The following CSMD3 variants were observed in gnomAD, a reference collection of about 807,000 sequenced individuals.
CSMD3 encodes the protein CUB and Sushi multiple domains 3.
CSMD3 carries 177 observed loss-of-function variants against 435.2 expected under a neutral mutation model. The observed-to-expected ratio is 0.41, with a 90% confidence interval of 0.36 to 0.46. CSMD3 has a LOEUF of 0.46. Ranked by LOEUF, CSMD3 falls within the 20% of genes least tolerant of loss-of-function variation. The pLI is 0.34. For missense variants in CSMD3, 4,265 were observed against 4,504.6 expected (o/e 0.95, Z 1.52); for synonymous variants, 1,656 against 1,520.5 (o/e 1.09, Z -2.07).
intron 13 of CSMD3, among the ~76,000 whole-genome samples, chr8:112,761,254 G>A (rs1452871205): frequency 2.0e-5 from 3 of 151,942 alleles, no homozygotes; most frequent in African/African-American, 7.2e-5. Flanking sequence ...TTTAAAAAAA[G>A]GGAAACCACC....
intron 3 of CSMD3, among the ~76,000 whole-genome samples, chr8:113,189,269 T>C (rs1012075768): frequency 1.3e-5 from 2 of 151,964 alleles, no homozygotes; most frequent in South Asian, 4.1e-4. Flanking sequence ...AAAAACCTAA[T>C]TGAAACCAAT....
intron 1 of CSMD3, among the ~76,000 whole-genome samples, chr8:113,328,345 G>C (rs1329026558): frequency 2.0e-5 from 3 of 149,460 alleles, no homozygotes; most frequent in Non-Finnish European, 4.5e-5. Flanking sequence ...GGCTGAGGCA[G>C]GAGAATGGCG....
At chr8:113,413,376 G>A (rs2094567960) in intron 1 of CSMD3, among the ~76,000 whole-genome samples, 1 of 151,904 alleles carries the variant, frequency 6.6e-6, no homozygotes, top group Non-Finnish European at 1.5e-5. Flanking sequence ...CTGCTATGAT[G>A]GAAAATCTTT....
At chr8:113,268,052 T>C (rs2132397986) in intron 3 of CSMD3, among the ~76,000 whole-genome samples, 1 of 151,896 alleles carries the variant, frequency 6.6e-6, no homozygotes, top group African/African-American at 2.4e-5. Context: ...AAATGATTCC[T>C]AAGATGGTAA....
At chr8:113,166,787 C>T (rs906958540) in intron 4 of CSMD3, among the ~76,000 whole-genome samples, 3 of 152,046 alleles carry the variant, frequency 2.0e-5, no homozygotes, top group African/African-American at 7.2e-5. Flanking sequence ...CTTAGTTTTT[C>T]AGTACTTCAT....
intron 3 of CSMD3, among the ~76,000 whole-genome samples, chr8:113,225,952 T>A (rs2132158611): frequency 6.6e-6 from 1 of 151,502 alleles, no homozygotes; most frequent in East Asian, 2.0e-4. Flanking sequence ...TGATAGTGAG[T>A]GACTTCTCAC....
intron 32 of CSMD3, among the ~76,000 whole-genome samples, chr8:112,449,441 A>G (rs1707914576): frequency 6.6e-6 from 1 of 151,966 alleles, no homozygotes; most frequent in Non-Finnish European, 1.5e-5. Flanking sequence ...CAGGGTAAGG[A>G]GCATTGACAG....
At chr8:112,318,186 C>T (rs1397218953) in intron 47 of CSMD3, among the ~76,000 whole-genome samples, 1 of 151,948 alleles carries the variant, frequency 6.6e-6, no homozygotes, top group Non-Finnish European at 1.5e-5. Flanking sequence ...TCTGTTCTAC[C>T]AGAATAAGAC....
chr8:112,247,217 C>T (rs1814822089), intron 63 of CSMD3, 86 bp from the exon 64 acceptor site: 2 of 803,126 alleles, frequency 2.5e-6, no homozygotes, highest in African/African-American at 1.7e-5. Flanking sequence ...AAAATGTTAT[C>T]AAGTGAAATT....
chr8:112,520,969 A>T (rs775979638), intron 27 of CSMD3, among the ~76,000 whole-genome samples: 3 of 151,984 alleles, frequency 2.0e-5, no homozygotes, highest in Non-Finnish European at 2.9e-5. Context: ...TTTAAAATGG[A>T]GAAGTTGGCC....
At chr8:112,532,832 T>C (rs186819556) in intron 27 of CSMD3, among the ~76,000 whole-genome samples, 3 of 152,156 alleles carry the variant, frequency 2.0e-5, no homozygotes, top group Non-Finnish European at 4.4e-5. Flanking sequence ...TGTGTAACAC[T>C]TGTGTCTTTA....
At chr8:112,684,375 T>C (rs1242295707) in intron 15 of CSMD3, among the ~76,000 whole-genome samples, 1 of 152,032 alleles carries the variant, frequency 6.6e-6, no homozygotes, top group East Asian at 1.9e-4. Flanking sequence ...CAACTACACT[T>C]TGTCTGCCAA....
At chr8:112,590,172 T>G (rs1258397569) in intron 22 of CSMD3, among the ~76,000 whole-genome samples, 1 of 152,248 alleles carries the variant, frequency 6.6e-6, no homozygotes, top group East Asian at 1.9e-4. Flanking sequence ...ATATTTATTA[T>G]GTACTGGGTG....
chr8:113,069,233 T>C (rs955276954), intron 5 of CSMD3, among the ~76,000 whole-genome samples: 1 of 152,074 alleles, frequency 6.6e-6, no homozygotes, highest in African/African-American at 2.4e-5. Context: ...GATTAGACTA[T>C]AAATATATGC....
chr8:112,587,688 A>G (rs975484858), intron 22 of CSMD3, among the ~76,000 whole-genome samples: 5 of 151,806 alleles, frequency 3.3e-5, no homozygotes, highest in Non-Finnish European at 7.4e-5. Context: ...CCTAATACTC[A>G]GTATTCCGCT....
chr8:113,243,578 T>C (rs2093243108), intron 3 of CSMD3, among the ~76,000 whole-genome samples: 1 of 152,112 alleles, frequency 6.6e-6, no homozygotes, highest in Admixed American at 6.6e-5. Context: ...AGCCATCATG[T>C]ACAAGTTTTT....
chr8:112,691,580 A>C (rs1406561357), intron 13 of CSMD3, among the ~76,000 whole-genome samples: 4 of 152,082 alleles, frequency 2.6e-5, no homozygotes, highest in Non-Finnish European at 5.9e-5. Flanking sequence ...TAGAGAAGTG[A>C]CATTTTTCAA....
chr8:112,360,645 C>A (rs948451969), intron 38 of CSMD3, among the ~76,000 whole-genome samples: 1 of 151,720 alleles, frequency 6.6e-6, no homozygotes, highest in African/African-American at 2.4e-5. Context: ...TCTATAATAA[C>A]ATAAATTATT....
intron 3 of CSMD3, among the ~76,000 whole-genome samples, chr8:113,267,776 G>A (rs1477964306): frequency 1.3e-5 from 2 of 151,484 alleles, no homozygotes; most frequent in African/African-American, 4.8e-5. Context: ...TTTTATACAA[G>A]TTGCAAGATT....
Sources: gnomAD v4.1 joint callset for allele counts (sites outside exome capture counted in the v4.1 genomes callset) on GRCh38, gnomAD v4.1.1 for gene constraint, MANE v1.5 for transcripts, NCBI Gene and HGNC (gene_info 2026-07-23, HGNC 2026-07-21) for gene names.